UACA: variants seen among roughly 807,000 people sequenced by gnomAD.
UACA encodes the protein nuclear membrane binding protein.
UACA carries 112 observed loss-of-function variants against 160.5 expected under a neutral mutation model. That is an observed-to-expected ratio of 0.70 (90% CI 0.60 to 0.82). The LOEUF is 0.82. UACA is among the 40% of genes least tolerant of loss of function. UACA has a pLI of 0.00. For synonymous variants in UACA, 557 were observed against 568.4 expected (o/e 0.98, Z 0.29); for missense variants, 1,574 against 1,614.6 (o/e 0.97, Z 0.43).
chr15:70,700,361 CATT>C (rs1898311077), intron 1 of UACA, among the ~76,000 whole-genome samples: 1 of 136,646 alleles, frequency 7.3e-6, no homozygotes, highest in African/African-American at 3.1e-5. Context: ...GAAAGCAATT[CATT>C]ATGTTTATAT....
At chr15:70,721,851 C>G (rs1899003212) in intron 1 of UACA, among the ~76,000 whole-genome samples, 1 of 152,024 alleles carries the variant, frequency 6.6e-6, no homozygotes, top group South Asian at 2.1e-4. Context: ...TTTTTCTATA[C>G]CATGCTGTCA....
At chr15:70,722,372 C>T (rs979237057) in intron 1 of UACA, among the ~76,000 whole-genome samples, 1 of 151,452 alleles carries the variant, frequency 6.6e-6, no homozygotes, top group Admixed American at 6.6e-5. Context: ...GTCTGGAGTG[C>T]TATGGCACCA....
At position 70,666,520 on chromosome 15, in the gene UACA, C is replaced by A. The variant is rs1012178341; in HGVS notation, c.3960+204G>T. On this transcript the variant is annotated intron_variant, in intron 16 of 18. Transcript: ENST00000322954. The stretch of plus-strand genomic sequence containing the variant: ...ATCGTTCCTGAATTCTTGGCTAGAA[C>A]AGCTAAAGAAACAGAAGGAAAAATG... Among the ~76,000 whole-genome samples, 3 of 152,212 alleles carry A rather than the reference C, an allele frequency of 2.0e-5. No homozygotes were observed. In the South Asian group the frequency reaches 6.2e-4, roughly 31 times the overall value.
Position 70,668,807 on chromosome 15 carries a change from G to C in UACA, c.1877C>G (p.Ser626Cys), listed in dbSNP as rs1051919371. The C allele has an allele frequency of 5.6e-6, 9 of 1,613,728 alleles. No individual in the cohort carries two copies. The highest frequency in any genetic ancestry group is 7.6e-6 in the Non-Finnish European group (9 of 1,180,022). Residue 626 changes from serine to cysteine, a missense_variant, in exon 16 of 19, where the codon TCC becomes TGC. By Grantham distance (112) the Ser-to-Cys change is moderately radical. Transcript: ENST00000322954. ...AKELSAKLAL[S>C]IPAEKFENMK... ...GTTTTCAAATTTTTCAGCTGGAATGGAAAGGGCCAACTTCGCTGACAATTC... is the reference window on the plus strand; with the variant it reads ...GTTTTCAAATTTTTCAGCTGGAATGCAAAGGGCCAACTTCGCTGACAATTC...
At chr15:70,738,161 TA>T (rs1899425111) in intron 1 of UACA, among the ~76,000 whole-genome samples, 1 of 152,186 alleles carries the variant, frequency 6.6e-6, no homozygotes, top group African/African-American at 2.4e-5. Flanking sequence ...TATCCTGGAA[TA>T]AACTTCATTT....
chr15:70,692,545 T>G (rs2084386390), intron 3 of UACA, among the ~76,000 whole-genome samples: 1 of 152,140 alleles, frequency 6.6e-6, no homozygotes, highest in African/African-American at 2.4e-5. Context: ...CCTAGGCAGG[T>G]GTATTGCTTG....
At chr15:70,766,560 G>A (rs933858365), upstream of UACA, among the ~76,000 whole-genome samples, 1 of 151,672 alleles carries the variant, frequency 6.6e-6, no homozygotes, top group African/African-American at 2.4e-5. Context: ...AATACAAATG[G>A]AGCAAGTTGA....
chr15:70,660,100 A>T (rs771150852), intron 18 of UACA, 51 bp downstream of exon 18: 1 of 1,447,096 alleles, frequency 6.9e-7, no homozygotes, highest in African/African-American at 1.4e-5. Context: ...GAAAATAAAA[A>T]ATTATTATCT....
intron 13 of UACA, among the ~76,000 whole-genome samples, chr15:70,672,959 G>A (rs1897186904): frequency 6.6e-6 from 1 of 152,114 alleles, no homozygotes; most frequent in Non-Finnish European, 1.5e-5. Context: ...AGCTGGGTGT[G>A]GTGGCGGGCA....
At chr15:70,690,140 TTCTC>T (rs972172963) in intron 5 of UACA, among the ~76,000 whole-genome samples, 11 of 150,990 alleles carry the variant, frequency 7.3e-5, no homozygotes, top group Non-Finnish European at 1.3e-4. Flanking sequence ...CGCACACACA[TTCTC>T]TCTCTGTTTC....
chr15:70,705,940 A>G lies in UACA; in HGVS notation c.79-6280T>C, dbSNP rs916570725. Among the ~76,000 whole-genome samples the G allele has an allele frequency of 3.3e-5, 5 of 152,300 alleles. No homozygotes were observed. The East Asian group carries it at 7.7e-4, about 23-fold the overall frequency. On this transcript the variant is annotated intron_variant, in intron 1 of 18. Coordinates refer to ENST00000322954, the MANE Select transcript of UACA (RefSeq NM_018003.4). Reference sequence around the variant, plus strand: ...CTTATAATTATTTCTGAAAATCCCCATGTTTTAAAAATACATACTGAAATA... The same window carrying G: ...CTTATAATTATTTCTGAAAATCCCCGTGTTTTAAAAATACATACTGAAATA...
intron 18 of UACA, among the ~76,000 whole-genome samples, chr15:70,658,996 G>A (rs1230084897): frequency 1.3e-5 from 2 of 152,172 alleles, no homozygotes; most frequent in Admixed American, 1.3e-4. Flanking sequence ...TTGTTAGTTT[G>A]CTGTATTTTT....
intron 1 of UACA, among the ~76,000 whole-genome samples, chr15:70,700,631 C>G (rs1898323505): frequency 6.6e-6 from 1 of 151,904 alleles, no homozygotes; most frequent in Non-Finnish European, 1.5e-5. Flanking sequence ...AAGGTTACCT[C>G]TAACTTTAGA....
chr15:70,674,659 CGTG>C (rs1897251994), intron 13 of UACA, among the ~76,000 whole-genome samples: 2 of 152,048 alleles, frequency 1.3e-5, no homozygotes, highest in Admixed American at 1.3e-4. Flanking sequence ...AGTGCAGTGG[CGTG>C]ATCTCACTCA....
chr15:70,666,876 A>G lies in UACA; in HGVS notation c.3808T>C (p.Ser1270Pro), dbSNP rs764308005. 4 of 1,613,746 alleles carry G rather than the reference A, an allele frequency of 2.5e-6. No homozygotes were observed. The highest frequency in any genetic ancestry group is 1.7e-5 in the Admixed American group (1 of 59,966). The stretch of plus-strand genomic sequence containing the variant: ...AGTAATTCCTTCTCATCTTTTGCAG[A>G]TATTTCCTTCTTTTTGGCATGCAAA... The part of the protein sequence containing the change: ...EVLHAKKKEI[S>P]AKDEKELLHF... Residue 1270 changes from serine (S) to proline (P), a missense_variant, in exon 16 of 19, where the codon TCT becomes CCT. Transcript: ENST00000322954.
chr15:70,707,261 A>G (rs1423639708), intron 1 of UACA, among the ~76,000 whole-genome samples: 1 of 152,222 alleles, frequency 6.6e-6, no homozygotes, highest in East Asian at 1.9e-4. Flanking sequence ...TTTATCTTAC[A>G]TCAGATGCAA....
At chr15:70,729,977 C>T (rs1171251350) in intron 1 of UACA, among the ~76,000 whole-genome samples, 4 of 95,574 alleles carry the variant, frequency 4.2e-5, no homozygotes, top group East Asian at 2.7e-4. Flanking sequence ...ACATCTACAC[C>T]GAAAACCCAT....
intron 5 of UACA, among the ~76,000 whole-genome samples, chr15:70,689,031 C>A (rs1028271121): frequency 6.6e-6 from 1 of 152,114 alleles, no homozygotes; most frequent in African/African-American, 2.4e-5. Flanking sequence ...TGATTTTGCT[C>A]CTATCAGTAG....
intron 1 of UACA, among the ~76,000 whole-genome samples, chr15:70,740,951 A>G (rs959709036): frequency 6.6e-6 from 1 of 152,002 alleles, no homozygotes; most frequent in Non-Finnish European, 1.5e-5. Context: ...AGGCAGGAGA[A>G]TCGCTTGAAC....
Sources: allele counts gnomAD v4.1 joint callset (sites outside exome capture counted in the v4.1 genomes callset), GRCh38; gene constraint gnomAD v4.1.1; transcripts MANE v1.5; gene names NCBI Gene and HGNC (gene_info 2026-07-23, HGNC 2026-07-21).